Variants in PYROXD1 observed in about 807,000 individuals in gnomAD.
The protein encoded by PYROXD1 is pyridine nucleotide-disulphide oxidoreductase domain 1, also known as tRNA ligase complex-associated NAD(P)H dehydrogenase PYROXD1.
In PYROXD1, 42 loss-of-function variants were observed where a neutral mutation model predicts 62.0. The observed-to-expected ratio is 0.68, with a 90% CI of 0.53 to 0.88. The LOEUF is 0.88. Ranked by LOEUF, PYROXD1 falls within the 40% of genes least tolerant of loss-of-function variation. The pLI, the probability that PYROXD1 is intolerant of heterozygous loss-of-function variation, is 0.00. For synonymous variants in PYROXD1, 170 were observed against 206.4 expected (o/e 0.82, Z 1.51); for missense variants, 493 against 604.8 (o/e 0.82, Z 1.94).
In PYROXD1 at chr12:21,471,067, T is replaced by C. The variant is rs1942941719; in HGVS notation, c.*2313T>C. On this transcript the variant is annotated 3_prime_UTR_variant, in exon 12 of 12. Coordinates refer to ENST00000240651, the MANE Select transcript of PYROXD1 (RefSeq NM_024854.5). ...TTAGGTCCTATTTTCAAATACGAAATGGTAGCATAAGCTGTAAAACTGTAG... is the reference window on the plus strand; with the variant it reads ...TTAGGTCCTATTTTCAAATACGAAACGGTAGCATAAGCTGTAAAACTGTAG... 6.2e-7 allele frequency: 1 copy of C among 1,601,106 alleles called. No homozygotes were observed. The highest frequency in any genetic ancestry group is 8.5e-7 in the Non-Finnish European group (1 of 1,175,066).
chr12:21,467,765 C>T, intron 11 of PYROXD1, 147 bp downstream of exon 11: 2 of 619,728 alleles, frequency 3.2e-6, no homozygotes, highest in South Asian at 2.3e-5. Context: ...CAAACCAATA[C>T]CTGGTATTAT....
chr12:21,462,899 G>T, intron 10 of PYROXD1, 37 bp downstream of exon 10: 1 of 1,573,076 alleles, frequency 6.4e-7, no homozygotes, highest in African/African-American at 1.4e-5. Context: ...TTTCATCAGA[G>T]ATTCTGTCTG....
At chr12:21,440,338 TA>T in intron 1 of PYROXD1, 29 bp from the exon 2 acceptor site, 1 of 1,341,142 alleles carries the variant, frequency 7.5e-7, no homozygotes, top group Non-Finnish European at 1.1e-6. Context: ...TAATTTGTCC[TA>T]ATTTTTTTTC....
At chr12:21,462,649 G>T (rs1942720031) in intron 9 of PYROXD1, 91 bp from the exon 10 acceptor site, 3 of 1,414,328 alleles carry the variant, frequency 2.1e-6, no homozygotes, top group Non-Finnish European at 3.0e-6. Flanking sequence ...AGCATGCAAA[G>T]TGTAACAATT....
chr12:21,447,096 T>A (rs1190123089), intron 3 of PYROXD1, among the ~76,000 whole-genome samples: 23 of 152,144 alleles, frequency 1.5e-4, no homozygotes, highest in Non-Finnish European at 7.4e-5. Context: ...GAAAGGATGT[T>A]GTTAGATGAT....
At chr12:21,458,429 C>T (rs920420700) in intron 7 of PYROXD1, among the ~76,000 whole-genome samples, 6 of 152,220 alleles carry the variant, frequency 3.9e-5, no homozygotes, top group African/African-American at 1.2e-4. Context: ...TTCGCTTTCT[C>T]ATCATTCATG....
intron 10 of PYROXD1, among the ~76,000 whole-genome samples, chr12:21,466,098 C>G (rs1364366864): frequency 2.0e-5 from 3 of 151,572 alleles, no homozygotes; most frequent in African/African-American, 4.8e-5. Context: ...AGTCAGGTAG[C>G]GTGATGCCTC....
rs577696995 is a variant in PYROXD1, at chr12:21,471,180, G to A, written c.*2426G>A. ...ATTTATAAAAGAAATAACTATATGC[G>A]CAGTAATTCTTAACACATTGACTTG... On this transcript the variant is annotated 3_prime_UTR_variant, in exon 12 of 12. Coordinates refer to ENST00000240651, the MANE Select transcript of PYROXD1 (RefSeq NM_024854.5). 22 of 1,310,244 alleles carry A rather than the reference G, an allele frequency of 1.7e-5. No homozygotes were observed. Among genetic ancestry groups the A allele is most frequent in the South Asian group, 9.6e-5 (6 of 62,576 alleles). The allele number at this position is 1,310,244 out of a possible 1,614,324, so 81.2% of individuals were successfully genotyped here. A position where few individuals can be genotyped will look rare whatever the true frequency, so the allele number is the denominator to read the frequency against.
Position 21,452,103 on chromosome 12 carries a change from A to G in PYROXD1, c.437A>G (p.Lys146Arg). The G allele has an allele frequency of 6.3e-7, 1 of 1,588,564 alleles. No homozygotes were observed. Among genetic ancestry groups the G allele is most frequent in the Non-Finnish European group, 8.6e-7 (1 of 1,166,914 alleles). Residue 146 changes from lysine (K) to arginine (R), a missense_variant, in exon 5 of 12, where the codon AAA becomes AGA. By Grantham distance (26) the Lys-to-Arg change is conservative (BLOSUM62 2). Around this residue, in one of 2 missense-constraint regions of PYROXD1, gnomAD observed 329 missense variants for 446.6 expected, o/e 0.74. Transcript: ENST00000240651. The stretch of plus-strand genomic sequence containing the variant: ...TAGGAATTTCAGAAACAGCTTACTA[A>G]AGCTAAAAGAATAATGATCATAGGG... Reference protein sequence around the residue: ...SAQEFQKQLTKAKRIMIIGNG... With the variant: ...SAQEFQKQLTRAKRIMIIGNG...
chr12:21,459,692 T>G (rs970092287), intron 7 of PYROXD1, among the ~76,000 whole-genome samples: 2 of 152,180 alleles, frequency 1.3e-5, no homozygotes, highest in African/African-American at 2.4e-5. Flanking sequence ...CTGAATTGAA[T>G]TAGAGGACAG....
At chr12:21,464,872 A>G (rs950692168) in intron 10 of PYROXD1, among the ~76,000 whole-genome samples, 28 of 152,006 alleles carry the variant, frequency 1.8e-4, no homozygotes, top group Admixed American at 1.7e-3. Flanking sequence ...TCCTGTGTCC[A>G]TGTGTTCTCA....
rs76335120 is a variant in PYROXD1, at chr12:21,464,325, C to T, written c.1116+1463C>T. On this transcript the variant is annotated intron_variant, in intron 10 of 11. Transcript: ENST00000240651. ...TATGCAGTTCAAGATGCAAATTTTC[C>T]GGCCACTTGTATTAGCTGTTCTCTA... Among the ~76,000 whole-genome samples, 325 of 151,958 alleles carry T rather than the reference C, an allele frequency of 2.1e-3. 1 individual carries two copies. Among genetic ancestry groups the T allele is most frequent in the African/African-American group, 5.8e-3 (241 of 41,470 alleles).
At chr12:21,463,897 G>A (rs1308390318) in intron 10 of PYROXD1, among the ~76,000 whole-genome samples, 1 of 152,050 alleles carries the variant, frequency 6.6e-6, no homozygotes, top group Non-Finnish European at 1.5e-5. Context: ...AAGGAACCAG[G>A]CAACATTTAT....
intron 7 of PYROXD1, among the ~76,000 whole-genome samples, chr12:21,459,833 C>T (rs1221340868): frequency 6.6e-6 from 1 of 152,138 alleles, no homozygotes; most frequent in Non-Finnish European, 1.5e-5. Flanking sequence ...TTTCCTATAT[C>T]CTCAGATCAG....
rs747575006 is a variant in PYROXD1, at chr12:21,468,535, G to C, written c.1284G>C (p.Gln428His). The C allele has an allele frequency of 3.3e-5, 53 of 1,612,536 alleles. No homozygotes were observed. The highest frequency in any genetic ancestry group is 4.3e-5 in the Non-Finnish European group (51 of 1,179,106). Residue 428 changes from glutamine (Q) to histidine (H), a missense_variant, in exon 12 of 12, where the codon CAG becomes CAC. This residue lies in a region of PYROXD1 where 329 missense variants were observed against 446.6 expected (regional missense o/e 0.74). Coordinates refer to ENST00000240651, the MANE Select transcript of PYROXD1 (RefSeq NM_024854.5). ...TACTGCTGGGAAAATACAATGCACAGGGCTTAGGTTCAGATCATGAATTAA... is the reference window on the plus strand; with the variant it reads ...TACTGCTGGGAAAATACAATGCACACGGCTTAGGTTCAGATCATGAATTAA... Reference protein sequence around the residue: ...KVVLLGKYNAQGLGSDHELML... With the variant: ...KVVLLGKYNAHGLGSDHELML...
intron 2 of PYROXD1, among the ~76,000 whole-genome samples, chr12:21,443,968 CTG>C (rs1942342290): frequency 6.6e-6 from 1 of 152,138 alleles, no homozygotes; most frequent in East Asian, 1.9e-4. Context: ...CAAGCTAAGA[CTG>C]TATACATAAG....
intron 1 of PYROXD1, chr12:21,438,059 TC>T (rs1942225013): frequency 1.8e-6 from 1 of 566,006 alleles, no homozygotes; most frequent in South Asian, 2.2e-5. Context: ...AGCTGGCTGA[TC>T]CGTGCTCAGA....
intron 9 of PYROXD1, 124 bp from the exon 10 acceptor site, chr12:21,462,616 T>C: frequency 9.0e-7 from 1 of 1,111,068 alleles, no homozygotes; most frequent in African/African-American, 1.6e-5. Flanking sequence ...TTGCTGATAT[T>C]TTTCATTTTC....
At chr12:21,459,399 T>C (rs1179033494) in intron 7 of PYROXD1, among the ~76,000 whole-genome samples, 1 of 152,210 alleles carries the variant, frequency 6.6e-6, no homozygotes, top group Non-Finnish European at 1.5e-5. Context: ...CTTATATGCT[T>C]TGCCTTATGT....
Sources: gnomAD v4.1 joint callset for allele counts (sites outside exome capture counted in the v4.1 genomes callset) on GRCh38, gnomAD v4.1.1 for gene constraint, gnomAD v4.1.1 regional missense constraint, MANE v1.5 for transcripts, NCBI Gene and HGNC (gene_info 2026-07-23, HGNC 2026-07-21) for gene names.